The following GOLPH3L variants were observed in gnomAD, a reference collection of about 807,000 sequenced individuals.
GOLPH3L encodes the protein Golgi phosphoprotein 3-like.
In GOLPH3L, 22 loss-of-function variants were observed where a neutral mutation model predicts 30.3. The observed-to-expected ratio is 0.73, with a 90% CI of 0.52 to 1.04. GOLPH3L has a LOEUF of 1.04. Ranked by LOEUF, GOLPH3L falls within the 50% of genes least tolerant of loss-of-function variation. The pLI is 0.00. For missense variants in GOLPH3L, 303 were observed against 345.8 expected (o/e 0.88, Z 0.98); for synonymous variants, 120 against 128.2 (o/e 0.94, Z 0.43).
intron 2 of GOLPH3L, among the ~76,000 whole-genome samples, chr1:150,693,819 GTATATATATATATATA>G (rs1175095529): frequency 1.2e-5 from 1 of 86,862 alleles, no homozygotes; most frequent in Non-Finnish European, 2.1e-5. Context: ...GTGTGTGTGT[GTATATATATATATATA>G]TATATATATA....
chr1:150,655,919 A>G (rs1015892128), intron 4 of GOLPH3L, among the ~76,000 whole-genome samples: 2 of 152,198 alleles, frequency 1.3e-5, no homozygotes, highest in Non-Finnish European at 2.9e-5. Flanking sequence ...CTGTTTCTTT[A>G]TTATCCCCTT....
At chr1:150,653,949 G>C (rs1408808150) in intron 4 of GOLPH3L, among the ~76,000 whole-genome samples, 1 of 151,766 alleles carries the variant, frequency 6.6e-6, no homozygotes, top group Admixed American at 6.6e-5. Context: ...TTTCAGTACA[G>C]ACGGGGTTTC....
chr1:150,648,144 CT>C lies in GOLPH3L; in HGVS notation c.*176del. ...GTGGAAGTGTAGGGAGAAATAAGGTCTGCTTATAATGGTCAAGGTCTATGGA... is the reference window on the plus strand; with the variant it reads ...GTGGAAGTGTAGGGAGAAATAAGGTCGCTTATAATGGTCAAGGTCTATGGA... On this transcript the variant is annotated 3_prime_UTR_variant, in exon 5 of 5. Transcript: ENST00000271732. 1 of 528,130 alleles carries C rather than the reference CT, an allele frequency of 1.9e-6. No individual in the cohort carries two copies. The highest frequency in any genetic ancestry group is 3.3e-6 in the Non-Finnish European group (1 of 299,558). 32.7% of individuals were successfully genotyped at this position (528,130 alleles called of 1,614,324 possible).
At chr1:150,683,124 G>A (rs1232547178) in intron 2 of GOLPH3L, among the ~76,000 whole-genome samples, 4 of 152,062 alleles carry the variant, frequency 2.6e-5, no homozygotes, top group Non-Finnish European at 5.9e-5. Context: ...ACTCAAGGCC[G>A]GGTGCAGTGG....
intron 2 of GOLPH3L, among the ~76,000 whole-genome samples, chr1:150,673,926 C>A (rs1449070380): frequency 8.9e-3 from 873 of 97,846 alleles, no homozygotes; most frequent in African/African-American, 0.014. Flanking sequence ...CTCCCATCTC[C>A]AAAAAAAAAA....
chr1:150,659,726 T>C (rs966626277), intron 4 of GOLPH3L, among the ~76,000 whole-genome samples: 2 of 152,010 alleles, frequency 1.3e-5, no homozygotes, highest in African/African-American at 4.8e-5. Flanking sequence ...AAGATTAATA[T>C]CCAGAATATA....
At chr1:150,671,998 A>G (rs1650656429) in intron 2 of GOLPH3L, among the ~76,000 whole-genome samples, 1 of 152,120 alleles carries the variant, frequency 6.6e-6, no homozygotes, top group South Asian at 2.1e-4. Flanking sequence ...ACATTAAAAC[A>G]TGGCTTTTTA....
In GOLPH3L at chr1:150,647,347, A is replaced by G. The variant is rs1329595964; in HGVS notation, c.*974T>C. 4 of 152,264 alleles carry G rather than the reference A, an allele frequency of 2.6e-5. No homozygotes were observed. The highest frequency in any genetic ancestry group is 2.9e-5 in the Non-Finnish European group (2 of 68,052). 9.4% of individuals were successfully genotyped at this position (152,264 alleles called of 1,614,324 possible). On this transcript the variant is annotated 3_prime_UTR_variant, in exon 5 of 5. Coordinates refer to ENST00000271732, the MANE Select transcript of GOLPH3L (RefSeq NM_018178.6). ...CTCTTGTCTAAAACAAACAAAAAAA[A>G]GCTGAGTATGGTGGCACGTGCCTGT... is the stretch of plus-strand genomic sequence containing the variant.
chr1:150,689,036 A>G (rs1401758529), intron 2 of GOLPH3L, among the ~76,000 whole-genome samples: 2 of 152,152 alleles, frequency 1.3e-5, no homozygotes, highest in African/African-American at 2.4e-5. Context: ...TTTCTATGAC[A>G]TATGAGTCAT....
At chr1:150,656,699 G>A (rs587659055) in intron 4 of GOLPH3L, among the ~76,000 whole-genome samples, 3 of 152,208 alleles carry the variant, frequency 2.0e-5, no homozygotes, top group East Asian at 1.9e-4. Context: ...GGGAGAACTC[G>A]GATTGTTAAA....
At chr1:150,695,782 T>C (rs1220509911) in intron 1 of GOLPH3L, among the ~76,000 whole-genome samples, 2 of 152,120 alleles carry the variant, frequency 1.3e-5, no homozygotes, top group African/African-American at 4.8e-5. Context: ...GTGTAGTAAT[T>C]CCACAGTCAG....
At chr1:150,696,163 C>T (rs1199521189) in intron 1 of GOLPH3L, among the ~76,000 whole-genome samples, 3 of 152,150 alleles carry the variant, frequency 2.0e-5, no homozygotes, top group African/African-American at 7.2e-5. Context: ...TTTCCCATTG[C>T]TCCTAATAAG....
At chr1:150,673,037 C>T (rs949809215) in intron 2 of GOLPH3L, among the ~76,000 whole-genome samples, 1 of 151,504 alleles carries the variant, frequency 6.6e-6, no homozygotes, top group African/African-American at 2.4e-5. Flanking sequence ...ATAAAAACAA[C>T]ATGCTAATGC....
At chr1:150,670,156 G>A (rs587677142) in intron 2 of GOLPH3L, among the ~76,000 whole-genome samples, 3 of 152,030 alleles carry the variant, frequency 2.0e-5, no homozygotes, top group South Asian at 4.1e-4. Context: ...CAGCCACTCA[G>A]GAAGCTGAGG....
intron 2 of GOLPH3L, among the ~76,000 whole-genome samples, chr1:150,672,214 G>T (rs1650662323): frequency 6.6e-6 from 1 of 151,856 alleles, no homozygotes; most frequent in Non-Finnish European, 1.5e-5. Context: ...TGATCTTCAG[G>T]GGTTATCAAA....
chr1:150,665,268 T>G (rs1022417255), intron 2 of GOLPH3L, among the ~76,000 whole-genome samples: 1 of 151,934 alleles, frequency 6.6e-6, no homozygotes, highest in African/African-American at 2.4e-5. Context: ...AATTTTTAAG[T>G]GGTTGTTTTT....
At chr1:150,666,268 T>G (rs1650497045) in intron 2 of GOLPH3L, among the ~76,000 whole-genome samples, 1 of 152,152 alleles carries the variant, frequency 6.6e-6, no homozygotes, top group Non-Finnish European at 1.5e-5. Flanking sequence ...AGGACTTCAG[T>G]CTTTATTTTA....
chr1:150,649,021 T>C (rs895569527), intron 4 of GOLPH3L, among the ~76,000 whole-genome samples: 7 of 152,204 alleles, frequency 4.6e-5, no homozygotes, highest in Admixed American at 1.3e-4. Flanking sequence ...TGTAATTATT[T>C]ATGTATTTTT....
rs1424349970 is a variant in GOLPH3L at position 150,647,205 on chromosome 1, T to A, written c.*1116A>T. The A allele has an allele frequency of 6.6e-6, 1 of 152,094 alleles. No homozygotes were observed. Among genetic ancestry groups the A allele is most frequent in the Non-Finnish European group, 1.5e-5 (1 of 68,032 alleles). The allele number at this position is 152,094 out of a possible 1,614,324, so 9.4% of individuals were successfully genotyped here. A position where few individuals can be genotyped will look rare whatever the true frequency, so the allele number is the denominator to read the frequency against. ...TCAGTCAGAGCAGAGACATTTAAAG[T>A]AGTCTGGAGGGGTGGGTGCAGTGGC... On this transcript the variant is annotated 3_prime_UTR_variant, in exon 5 of 5. Coordinates refer to ENST00000271732, the MANE Select transcript of GOLPH3L (RefSeq NM_018178.6).
Sources: gnomAD v4.1 joint callset for allele counts (sites outside exome capture counted in the v4.1 genomes callset) on GRCh38, gnomAD v4.1.1 for gene constraint, MANE v1.5 for transcripts, NCBI Gene and HGNC (gene_info 2026-07-23, HGNC 2026-07-21) for gene names.